The following STON2 variants were observed in gnomAD, a reference collection of about 807,000 sequenced individuals.
STON2 encodes the protein stonin 2, also known as stonin-2.
A neutral mutation model predicts 65.7 loss-of-function variants in STON2; 29 were observed. The observed-to-expected ratio is 0.44, with a 90% CI of 0.33 to 0.60. The LOEUF (loss-of-function observed/expected upper bound fraction) is 0.60, where lower values mean the gene tolerates loss of function less well. Among genes scored for constraint, STON2 ranks in the 20% least tolerant of loss-of-function variants. The pLI, the probability that STON2 is intolerant of heterozygous loss-of-function variation, is 0.03. For missense variants in STON2, 1,054 were observed against 1,118.1 expected (o/e 0.94, Z 0.82); for synonymous variants, 404 against 414.2 (o/e 0.98, Z 0.30).
intron 5 of STON2, among the ~76,000 whole-genome samples, chr14:81,289,576 G>A: frequency 6.6e-6 from 1 of 152,146 alleles, no homozygotes; most frequent in Non-Finnish European, 1.5e-5. Flanking sequence ...ATCTTAAACA[G>A]GCTTATTTAC....
chr14:81,387,738 A>T (rs1450688428), intron 3 of STON2, among the ~76,000 whole-genome samples: 1 of 151,030 alleles, frequency 6.6e-6, no homozygotes, highest in African/African-American at 2.4e-5. Context: ...CTAAAAATAC[A>T]AAAATTAGCC....
At chr14:81,323,437 T>G (rs774070464) in intron 5 of STON2, 1 of 141,780 alleles carries the variant, frequency 7.1e-6, no homozygotes, top group Admixed American at 6.7e-5. Flanking sequence ...CAGACTTTTT[T>G]CTTCCCATTA....
At chr14:81,370,885 T>C in intron 4 of STON2, 103 bp downstream of exon 4, 1 of 1,088,020 alleles carries the variant, frequency 9.2e-7, no homozygotes, top group Non-Finnish European at 1.3e-6. Flanking sequence ...GAACTCATTC[T>C]GCAAAGGAAG....
intron 2 of STON2, among the ~76,000 whole-genome samples, chr14:81,414,073 A>G (rs2139869357): frequency 7.2e-6 from 1 of 139,646 alleles, no homozygotes; most frequent in East Asian, 2.5e-4. Flanking sequence ...GGTCATCAGG[A>G]CTTACTGATG....
At chr14:81,382,226 A>G (rs1899558957) in intron 3 of STON2, among the ~76,000 whole-genome samples, 1 of 151,890 alleles carries the variant, frequency 6.6e-6, no homozygotes, top group East Asian at 1.9e-4. Flanking sequence ...CTCAAAAAAA[A>G]AGAAAAGAAA....
At chr14:81,415,257 T>A (rs1281409577) in intron 2 of STON2, among the ~76,000 whole-genome samples, 1 of 151,442 alleles carries the variant, frequency 6.6e-6, no homozygotes, top group Admixed American at 6.6e-5. Flanking sequence ...TAGGTACTAT[T>A]ATTAATAACA....
chr14:81,355,405 A>G (rs1241688153), intron 4 of STON2, among the ~76,000 whole-genome samples: 1 of 152,194 alleles, frequency 6.6e-6, no homozygotes, highest in Non-Finnish European at 1.5e-5. Context: ...GATAAGAAAT[A>G]CATCACATAC....
At position 81,264,153 on chromosome 14, in the gene STON2, G is replaced by T. The variant is rs181976980; in HGVS notation, c.*4261C>A. On this transcript the variant is annotated 3_prime_UTR_variant, in exon 8 of 8. Transcript: ENST00000614646. ...CAATCAATCACCGTGACTATGGACA[G>T]CATCTATGCTACTATGCTTTGGGGC... is the stretch of plus-strand genomic sequence containing the variant. The T allele has an allele frequency of 5.1e-6, 5 of 985,406 alleles. No homozygotes were observed. Among genetic ancestry groups the T allele is most frequent in the Non-Finnish European group, 6.0e-6 (5 of 829,924 alleles). 61.0% of individuals were successfully genotyped at this position (985,406 alleles called of 1,614,324 possible). A position where few individuals can be genotyped will look rare whatever the true frequency, so the allele number is the denominator to read the frequency against.
chr14:81,366,136 C>A (rs191872581), intron 4 of STON2, among the ~76,000 whole-genome samples: 10 of 152,198 alleles, frequency 6.6e-5, no homozygotes, highest in African/African-American at 2.2e-4. Context: ...TCTGCCCCCC[C>A]GCACCCTGTG....
intron 5 of STON2, chr14:81,323,632 AC>A (rs1896899074): frequency 6.6e-6 from 1 of 152,324 alleles, no homozygotes; most frequent in Admixed American, 6.5e-5. Context: ...CTATCTTGAC[AC>A]TTAAGCTACA....
chr14:81,270,281 C>T (rs775001622), intron 7 of STON2: 85 of 747,800 alleles, frequency 1.1e-4, no homozygotes, highest in Non-Finnish European at 1.3e-4. Context: ...GATGGGGTTT[C>T]GCCATGTTGG....
chr14:81,337,451 T>C (rs1053779138), intron 4 of STON2, among the ~76,000 whole-genome samples: 2 of 151,992 alleles, frequency 1.3e-5, no homozygotes, highest in Non-Finnish European at 2.9e-5. Context: ...ATCAGACAAA[T>C]CATTTCAAGT....
intron 6 of STON2, among the ~76,000 whole-genome samples, chr14:81,274,941 A>G (rs1411021008): frequency 6.6e-6 from 1 of 151,936 alleles, no homozygotes; most frequent in African/African-American, 2.4e-5. Context: ...AAAAAAACAA[A>G]AACAAAAAAT....
At chr14:81,353,966 C>G (rs929904062) in intron 4 of STON2, among the ~76,000 whole-genome samples, 2 of 152,214 alleles carry the variant, frequency 1.3e-5, no homozygotes, top group African/African-American at 4.8e-5. Flanking sequence ...GAGCCCACCC[C>G]AAGGCGCCAC....
intron 1 of STON2, among the ~76,000 whole-genome samples, chr14:81,429,791 T>A (rs1348673469): frequency 2.6e-5 from 4 of 151,760 alleles, no homozygotes; most frequent in Non-Finnish European, 2.9e-5. Context: ...AAAAATCAGC[T>A]GGGCGTGATG....
rs1410738167 is a variant in STON2, at chr14:81,302,240, C to T, written c.742+21777G>A. ...CTCACTTTAATCAGCATCAGATACC[C>T]CTATCTGTCTACAAATTTCTGGAAC... On this transcript the variant is annotated intron_variant, in intron 5 of 7. Coordinates refer to ENST00000614646, the MANE Select transcript of STON2 (RefSeq NM_001394390.1). Among the ~76,000 whole-genome samples the T allele has an allele frequency of 5.3e-5, 8 of 152,202 alleles. No individual in the cohort carries two copies. In the South Asian group the frequency reaches 6.2e-4, roughly 12 times the overall value.
At chr14:81,405,274 T>C (rs976775524), upstream of STON2, among the ~76,000 whole-genome samples, 3 of 152,190 alleles carry the variant, frequency 2.0e-5, no homozygotes, top group African/African-American at 7.2e-5. Context: ...ATGAATTTTG[T>C]ATCTTATTCA....
intron 3 of STON2, among the ~76,000 whole-genome samples, chr14:81,375,235 A>C (rs59969857): frequency 6.6e-6 from 1 of 151,748 alleles, no homozygotes; most frequent in Non-Finnish European, 1.5e-5. Flanking sequence ...AAATAAAACT[A>C]TATCAGTACT....
intron 5 of STON2, among the ~76,000 whole-genome samples, chr14:81,310,567 C>G (rs1370275726): frequency 6.6e-6 from 1 of 152,160 alleles, no homozygotes; most frequent in Non-Finnish European, 1.5e-5. Context: ...GCTGAGTATC[C>G]AGATGTTATT....
Sources: gnomAD v4.1 joint callset for allele counts (sites outside exome capture counted in the v4.1 genomes callset) on GRCh38, gnomAD v4.1.1 for gene constraint, MANE v1.5 for transcripts, NCBI Gene and HGNC (gene_info 2026-07-23, HGNC 2026-07-21) for gene names.